The following PLCB4 variants were observed in gnomAD, a reference collection of about 807,000 sequenced individuals.
The protein encoded by PLCB4 is 1-phosphatidylinositol 4,5-bisphosphate phosphodiesterase beta-4.
Under a neutral mutation model 178.8 loss-of-function variants are expected in PLCB4, and 77 were observed. The ratio of observed to expected loss-of-function variants is 0.43; its 90% CI spans 0.36 to 0.52. The LOEUF (loss-of-function observed/expected upper bound fraction) is 0.52. Ranked by LOEUF, PLCB4 falls within the 20% of genes least tolerant of loss-of-function variation. The pLI is 0.00. For missense variants in PLCB4, 1,024 were observed against 1,453.4 expected (o/e 0.70, Z 4.80); for synonymous variants, 496 against 490.8 (o/e 1.01, Z -0.14).
At chr20:9,409,305 G>T in intron 24 of PLCB4, 124 bp downstream of exon 24, 26 of 579,806 alleles carry the variant, frequency 4.5e-5, no homozygotes, top group Non-Finnish European at 4.7e-5. Flanking sequence ...AAAGCAATGT[G>T]TTATTGGATT....
chr20:9,401,870 G>C (rs2039054431), intron 20 of PLCB4, among the ~76,000 whole-genome samples: 1 of 152,144 alleles, frequency 6.6e-6, no homozygotes, highest in Non-Finnish European at 1.5e-5. Flanking sequence ...CAGCTGGGGA[G>C]GGAGAAAATG....
intron 3 of PLCB4, among the ~76,000 whole-genome samples, chr20:9,267,926 A>G (rs1359458476): frequency 6.6e-6 from 1 of 152,136 alleles, no homozygotes; most frequent in Admixed American, 6.5e-5. Context: ...GAGGTGGCAC[A>G]GGGCATCACA....
chr20:9,097,232 CT>C lies in PLCB4; in HGVS notation c.-79+911del, dbSNP rs544568591. Among the ~76,000 whole-genome samples, 283 of 81,092 alleles carry C rather than the reference CT, an allele frequency of 3.5e-3. 1 individual carries two copies. Among genetic ancestry groups the C allele is most frequent in the Admixed American group, 0.01 (82 of 7,834 alleles). 53.2% of individuals were successfully genotyped at this position (81,092 alleles called of 152,430 possible). On this transcript the variant is annotated intron_variant, in intron 2 of 39. Coordinates refer to ENST00000378473, the MANE Select transcript of PLCB4 (RefSeq NM_001377142.1). ...TTATGGGTGTGAGCCACAGCCTGGC[CT>C]TTTTTTTTTTTTTTTTTTTTGGTTT...
rs148541926 is a variant in PLCB4 at position 9,450,753 on chromosome 20, A to T, written c.2881-2594A>T. ...AACCTATGCCTCCCGGGTTCAAGCA[A>T]TTCTCGTCCCTCAGCCTCCAGAGTA... On this transcript the variant is annotated intron_variant, in intron 32 of 39. Coordinates refer to ENST00000378473, the MANE Select transcript of PLCB4 (RefSeq NM_001377142.1). 2.8e-3 allele frequency among the ~76,000 whole-genome samples: 421 copies of T among 149,406 alleles called. 1 individual carries two copies. Among genetic ancestry groups the T allele is most frequent in the African/African-American group, 9.0e-3 (365 of 40,612 alleles).
chr20:9,395,506 C>T lies in PLCB4; in HGVS notation c.1415-17C>T, dbSNP rs373753078. 7.3e-5 allele frequency: 116 copies of T among 1,582,180 alleles called. No homozygotes were observed. In the African/African-American group the frequency reaches 1.3e-3, roughly 17 times the overall value. On this transcript the variant is annotated splice_polypyrimidine_tract_variant and intron_variant, in intron 18 of 39. Transcript: ENST00000378473. ...CCTAGCATCTGTCACCATCTCTTTG[C>T]GTGTTTTTGCTAACAGAACAGCTGG...
chr20:9,384,328 C>A lies in PLCB4; in HGVS notation c.981C>A (p.Ser327=). ...HPLAHYFISS[S]HNTYLTGRQF... Reference sequence around the variant, plus strand: ...TGGCTCACTACTTCATCAGTTCTTCCCATAACACTTATCTCACTGGCAGAC... The same window carrying A: ...TGGCTCACTACTTCATCAGTTCTTCACATAACACTTATCTCACTGGCAGAC... Residue 327 remains serine, a synonymous_variant, in exon 14 of 40, where the codon TCC becomes TCA. Coordinates refer to ENST00000378473, the MANE Select transcript of PLCB4 (RefSeq NM_001377142.1). 1 of 1,614,078 alleles carries A rather than the reference C, an allele frequency of 6.2e-7. No homozygotes were observed. Among genetic ancestry groups the A allele is most frequent in the Non-Finnish European group, 8.5e-7 (1 of 1,179,966 alleles).
Position 9,087,763 on chromosome 20 carries a change from C to A in PLCB4, c.-134-8524C>A, listed in dbSNP as rs140642862. ...CAAGGCCAGTTCTTTCTCATACACA[C>A]CCTGATGGATTTTTTGGAGAGCCCT... On this transcript the variant is annotated intron_variant, in intron 1 of 39. Coordinates refer to ENST00000378473, the MANE Select transcript of PLCB4 (RefSeq NM_001377142.1). Among the ~76,000 whole-genome samples, 57 of 152,342 alleles carry A rather than the reference C, an allele frequency of 3.7e-4. 1 individual carries two copies. Among genetic ancestry groups the A allele is most frequent in the African/African-American group, 1.1e-3 (46 of 41,586 alleles).
chr20:9,444,140 A>T, intron 31 of PLCB4, 38 bp from the exon 32 acceptor site: 1 of 1,523,414 alleles, frequency 6.6e-7, no homozygotes, highest in South Asian at 1.2e-5. Flanking sequence ...AAAAGAAAAA[A>T]CAAAAAACCT....
chr20:9,232,859 G>T (rs1343799701), intron 3 of PLCB4, among the ~76,000 whole-genome samples: 1 of 152,022 alleles, frequency 6.6e-6, no homozygotes, highest in Non-Finnish European at 1.5e-5. Flanking sequence ...ATCCTATTTT[G>T]GCTGTTCAGT....
intron 39 of PLCB4, among the ~76,000 whole-genome samples, chr20:9,477,962 C>T (rs2122743456): frequency 6.6e-6 from 1 of 152,198 alleles, no homozygotes; most frequent in African/African-American, 2.4e-5. Flanking sequence ...GAATCTTCAT[C>T]CGATTTATAT....
intron 2 of PLCB4, among the ~76,000 whole-genome samples, chr20:9,113,165 A>G (rs1254114089): frequency 2.0e-5 from 3 of 152,174 alleles, no homozygotes; most frequent in African/African-American, 7.2e-5. Flanking sequence ...AAAGCTTGTT[A>G]ATTGAGTTTT....
At chr20:9,261,735 A>G (rs1400745560) in intron 3 of PLCB4, among the ~76,000 whole-genome samples, 1 of 152,182 alleles carries the variant, frequency 6.6e-6, no homozygotes, top group Non-Finnish European at 1.5e-5. Context: ...TGTTAATGTT[A>G]GGTGAATGGA....
intron 25 of PLCB4, among the ~76,000 whole-genome samples, chr20:9,413,575 C>T (rs1413222047): frequency 1.3e-5 from 2 of 150,348 alleles, no homozygotes; most frequent in Non-Finnish European, 2.9e-5. Flanking sequence ...AGGAGAATGT[C>T]GTGAACCTGG....
At chr20:9,215,524 C>T (rs1398451666) in intron 2 of PLCB4, among the ~76,000 whole-genome samples, 2 of 152,166 alleles carry the variant, frequency 1.3e-5, no homozygotes, top group African/African-American at 4.8e-5. Flanking sequence ...TAAATAGTCA[C>T]TAAATTAGTA....
rs556962606 is a variant in PLCB4, at chr20:9,134,892, A to G, written c.-79+38550A>G. On this transcript the variant is annotated intron_variant, in intron 2 of 39. Coordinates refer to ENST00000378473, the MANE Select transcript of PLCB4 (RefSeq NM_001377142.1). ...AAATCGTAGTTTTATTCATTCCATG[A>G]CACTGTATGTCAAGCACCAATTTTT... Among the ~76,000 whole-genome samples the G allele has an allele frequency of 3.3e-5, 5 of 152,248 alleles. No individual in the cohort carries two copies. The South Asian group carries it at 8.3e-4, about 25-fold the overall frequency.
rs2042259641 is a variant in PLCB4 at position 9,444,003 on chromosome 20, A to G, written c.2787A>G (p.Val929=). The change falls in exon 31 of 40, where the codon GTA becomes GTG. Residue 929 remains valine, a synonymous_variant. Coordinates refer to ENST00000378473, the MANE Select transcript of PLCB4 (RefSeq NM_001377142.1). ...AKKGIELIPQ[V]RIEDLKQMKA... ...TAGGTATTGAACTTATCCCTCAAGTAAGGATAGAAGACTTAAAGCAGATGA... is the reference window on the plus strand; with the variant it reads ...TAGGTATTGAACTTATCCCTCAAGTGAGGATAGAAGACTTAAAGCAGATGA... The G allele has an allele frequency of 1.2e-6, 2 of 1,600,216 alleles. No individual in the cohort carries two copies. Among genetic ancestry groups the G allele is most frequent in the Admixed American group, 1.7e-5 (1 of 59,004 alleles).
At chr20:9,250,163 C>T (rs1044633847) in intron 3 of PLCB4, among the ~76,000 whole-genome samples, 3 of 152,136 alleles carry the variant, frequency 2.0e-5, no homozygotes, top group Non-Finnish European at 4.4e-5. Flanking sequence ...CAAAAAAATC[C>T]TTCAGCCTTG....
chr20:9,339,398 TACTACTCATCTGACA>T, intron 7 of PLCB4, among the ~76,000 whole-genome samples: 1 of 152,164 alleles, frequency 6.6e-6, no homozygotes, highest in Admixed American at 6.5e-5. Flanking sequence ...GTGGCATGGA[TACTACTCATCTGACA>T]ACTACAGTTT....
At chr20:9,110,749 G>A (rs1202235424) in intron 2 of PLCB4, among the ~76,000 whole-genome samples, 1 of 152,122 alleles carries the variant, frequency 6.6e-6, no homozygotes. Flanking sequence ...AGTACCAAAT[G>A]TCCTCTTCAC....
Sources: allele counts gnomAD v4.1 joint callset (sites outside exome capture counted in the v4.1 genomes callset), GRCh38; gene constraint gnomAD v4.1.1; transcripts MANE v1.5; gene names NCBI Gene and HGNC (gene_info 2026-07-23, HGNC 2026-07-21).